STK3: variants seen among roughly 807,000 people sequenced by gnomAD.
STK3 encodes the protein serine/threonine kinase 3, also known as serine/threonine-protein kinase 3.
In STK3, 41 loss-of-function variants were observed where a neutral mutation model predicts 58.0. The ratio of observed to expected loss-of-function variants is 0.71; its 90% CI spans 0.55 to 0.92. The LOEUF is 0.92. Ranked by LOEUF, STK3 falls within the 40% of genes least tolerant of loss-of-function variation. STK3 has a pLI of 0.00. For missense variants in STK3, 479 were observed against 602.7 expected (o/e 0.79, Z 2.15); for synonymous variants, 170 against 191.0 (o/e 0.89, Z 0.91).
intron 7 of STK3, among the ~76,000 whole-genome samples, chr8:98,583,661 T>C (rs1681229596): frequency 1.3e-5 from 2 of 152,198 alleles, no homozygotes; most frequent in Non-Finnish European, 1.5e-5. Context: ...TCCTTGAGAA[T>C]ACAGCTAAGG....
At chr8:98,463,471 G>A (rs1409255579) in intron 10 of STK3, among the ~76,000 whole-genome samples, 1 of 151,994 alleles carries the variant, frequency 6.6e-6, no homozygotes, top group African/African-American at 2.4e-5. Flanking sequence ...TCAGTGATAT[G>A]AGAAGTTAGG....
chr8:98,769,240 T>C (rs1403147497), intron 2 of STK3, among the ~76,000 whole-genome samples: 1 of 152,228 alleles, frequency 6.6e-6, no homozygotes, highest in African/African-American at 2.4e-5. Context: ...GATGTTGATA[T>C]GGTTTGGCTA....
intron 8 of STK3, among the ~76,000 whole-genome samples, chr8:98,549,588 T>C (rs1226799580): frequency 2.6e-5 from 4 of 152,212 alleles, no homozygotes; most frequent in Non-Finnish European, 4.4e-5. Flanking sequence ...TGATGAAGTC[T>C]GATTTATCAA....
intron 3 of STK3, among the ~76,000 whole-genome samples, chr8:98,855,112 T>C (rs1341701265): frequency 1.3e-5 from 2 of 152,224 alleles, no homozygotes; most frequent in South Asian, 2.1e-4. Context: ...AACTGATCTA[T>C]AGATTCAATG....
At chr8:98,392,769 A>AG (rs1387703681), upstream of STK3, among the ~76,000 whole-genome samples, 1 of 152,130 alleles carries the variant, frequency 6.6e-6, no homozygotes, top group South Asian at 2.1e-4. Flanking sequence ...TGTCCACTTG[A>AG]GGGGGGCTTT....
intron 1 of STK3, among the ~76,000 whole-genome samples, chr8:98,801,772 C>T (rs936248346): frequency 1.2e-4 from 19 of 152,198 alleles, no homozygotes; most frequent in African/African-American, 3.1e-4. Context: ...CCCACCAATT[C>T]CAGACACATT....
intron 1 of STK3, among the ~76,000 whole-genome samples, chr8:98,785,043 T>C (rs1456154940): frequency 6.6e-6 from 1 of 152,082 alleles, no homozygotes; most frequent in Non-Finnish European, 1.5e-5. Flanking sequence ...CTTCTATACA[T>C]AGATTATGGT....
chr8:98,819,609 G>GACT (rs943970904), intron 1 of STK3, among the ~76,000 whole-genome samples: 1 of 152,082 alleles, frequency 6.6e-6, no homozygotes, highest in African/African-American at 2.4e-5. Context: ...TTTCCCCTTG[G>GACT]ACTAACTACT....
chr8:98,909,779 T>C (rs997498338), intron 1 of STK3, among the ~76,000 whole-genome samples: 73 of 152,404 alleles, frequency 4.8e-4, no homozygotes, highest in African/African-American at 1.6e-3. Flanking sequence ...TTGGGTTGTT[T>C]CCAGCTTTTG....
At chr8:98,639,313 A>G (rs1819845047) in intron 6 of STK3, among the ~76,000 whole-genome samples, 1 of 152,036 alleles carries the variant, frequency 6.6e-6, no homozygotes, top group Non-Finnish European at 1.5e-5. Context: ...GGGTTTTGTC[A>G]TGTTGCCCAG....
intron 3 of STK3, among the ~76,000 whole-genome samples, chr8:98,844,614 CA>C (rs1836126712): frequency 1.3e-5 from 2 of 152,054 alleles, no homozygotes; most frequent in South Asian, 4.1e-4. Flanking sequence ...TACAGGCCCG[CA>C]CCATCATGCT....
rs533689119 is a variant in STK3 at position 98,652,794 on chromosome 8, T to C, written c.684+53673A>G. Reference sequence around the variant, plus strand: ...CAAGAAGAGCTAACTATCCTAAATATATATGCACCCAATACAGGAGCACCC... The same window carrying C: ...CAAGAAGAGCTAACTATCCTAAATACATATGCACCCAATACAGGAGCACCC... On this transcript the variant is annotated intron_variant, in intron 6 of 10. Coordinates refer to ENST00000419617, the MANE Select transcript of STK3 (RefSeq NM_006281.4). 1.3e-4 allele frequency among the ~76,000 whole-genome samples: 20 copies of C among 150,890 alleles called. No individual in the cohort carries two copies. In the East Asian group the frequency reaches 2.3e-3, roughly 17 times the overall value.
downstream of STK3, chr8:98,883,633 A>G: frequency 2.8e-6 from 2 of 702,824 alleles, no homozygotes; most frequent in Non-Finnish European, 2.6e-6. Flanking sequence ...GACTGCAACC[A>G]GGCATTTCTT....
intron 2 of STK3, among the ~76,000 whole-genome samples, chr8:98,774,240 T>C (rs1444167205): frequency 6.6e-6 from 1 of 152,216 alleles, no homozygotes; most frequent in Non-Finnish European, 1.5e-5. Context: ...CTCCCTACCT[T>C]TCTCTCTGCT....
the STK3 span, among the ~76,000 whole-genome samples, chr8:98,346,111 C>A: frequency 6.6e-6 from 1 of 151,884 alleles, no homozygotes. Flanking sequence ...CATGGTGAAA[C>A]CCCATCTCCA....
At chr8:98,831,167 C>T (rs576671861) in intron 3 of STK3, among the ~76,000 whole-genome samples, 7 of 152,186 alleles carry the variant, frequency 4.6e-5, no homozygotes, top group Non-Finnish European at 7.4e-5. Context: ...AAAAAGCATA[C>T]GTTCTTTGTA....
intron 8 of STK3, among the ~76,000 whole-genome samples, chr8:98,565,745 T>C (rs1047939684): frequency 2.6e-5 from 4 of 152,166 alleles, no homozygotes; most frequent in Admixed American, 6.5e-5. Flanking sequence ...ATTTTGTTAA[T>C]ACATACTCTT....
chr8:98,563,275 G>C (rs1432481134), intron 8 of STK3, among the ~76,000 whole-genome samples: 1 of 152,050 alleles, frequency 6.6e-6, no homozygotes, highest in Non-Finnish European at 1.5e-5. Flanking sequence ...TAGGAGCCAG[G>C]TTTCTCACCA....
chr8:98,742,877 C>A (rs1266095008), intron 4 of STK3, among the ~76,000 whole-genome samples: 3 of 152,010 alleles, frequency 2.0e-5, no homozygotes, highest in Admixed American at 2.0e-4. Context: ...GCAACTTCAG[C>A]AAAGTCTCAG....
Sources: allele counts gnomAD v4.1 joint callset (sites outside exome capture counted in the v4.1 genomes callset), GRCh38; gene constraint gnomAD v4.1.1; transcripts MANE v1.5; gene names NCBI Gene and HGNC (gene_info 2026-07-23, HGNC 2026-07-21).